VPS13B: variants seen among roughly 807,000 people sequenced by gnomAD.
VPS13B encodes vacuolar protein sorting 13 homolog B, also known as intermembrane lipid transfer protein VPS13B.
In VPS13B, 285 loss-of-function variants were observed where a neutral mutation model predicts 426.4. That is an observed-to-expected ratio of 0.67 (90% CI 0.61 to 0.74). The LOEUF is 0.74. Ranked by LOEUF, VPS13B falls within the 30% of genes least tolerant of loss-of-function variation. The pLI is 0.00. For missense variants in VPS13B, 4,537 were observed against 4,782.6 expected, an observed-to-expected ratio of 0.95 and a Z score of 1.51; for synonymous variants, 1,676 against 1,676.4, an observed-to-expected ratio of 1.00 and a Z score of 0.01.
intron 29 of VPS13B, among the ~76,000 whole-genome samples, chr8:99,512,006 C>T (rs1821814696): frequency 6.6e-6 from 1 of 152,172 alleles, no homozygotes; most frequent in Non-Finnish European, 1.5e-5. Context: ...CATGGTGGTG[C>T]ACACCTGTAG....
intron 12 of VPS13B, among the ~76,000 whole-genome samples, chr8:99,138,829 C>CTG (rs1293612096): frequency 2.6e-5 from 4 of 152,142 alleles, no homozygotes; most frequent in Admixed American, 6.5e-5. Flanking sequence ...TATGCATGTG[C>CTG]TGTGGATTCC....
At chr8:99,794,203 A>G (rs1459142771) in intron 43 of VPS13B, among the ~76,000 whole-genome samples, 1 of 152,212 alleles carries the variant, frequency 6.6e-6, no homozygotes, top group East Asian at 1.9e-4. Context: ...AAGTAAGCAA[A>G]TTCGATGTAA....
At chr8:99,152,189 A>G (rs1006454039) in intron 14 of VPS13B, among the ~76,000 whole-genome samples, 1 of 152,196 alleles carries the variant, frequency 6.6e-6, no homozygotes, top group Non-Finnish European at 1.5e-5. Flanking sequence ...TGCATGCTAC[A>G]AATTTCGATA....
intron 43 of VPS13B, among the ~76,000 whole-genome samples, chr8:99,793,254 C>CATATAT (rs779913773): frequency 0.04 from 4,222 of 106,848 alleles, 95 homozygotes; most frequent in African/African-American, 0.056. Flanking sequence ...TTGCCCTCTC[C>CATATAT]ATATATATAT....
intron 17 of VPS13B, among the ~76,000 whole-genome samples, chr8:99,222,638 G>A (rs1422186015): frequency 6.6e-6 from 1 of 152,160 alleles, no homozygotes; most frequent in Non-Finnish European, 1.5e-5. Flanking sequence ...CGAACAGGAT[G>A]ACAATTATTC....
intron 35 of VPS13B, among the ~76,000 whole-genome samples, chr8:99,673,348 T>C (rs1375887961): frequency 6.6e-6 from 1 of 152,096 alleles, no homozygotes; most frequent in Non-Finnish European, 1.5e-5. Context: ...CTTCATTATC[T>C]ATTCTTGGTA....
intron 36 of VPS13B, among the ~76,000 whole-genome samples, chr8:99,706,074 C>G (rs1432615267): frequency 6.6e-6 from 1 of 151,992 alleles, no homozygotes; most frequent in Non-Finnish European, 1.5e-5. Flanking sequence ...AAAAAACAAG[C>G]AGAATTCCTG....
intron 17 of VPS13B, among the ~76,000 whole-genome samples, chr8:99,212,262 C>T (rs374986867): frequency 6.6e-6 from 1 of 152,200 alleles, no homozygotes. Context: ...TTTAGCCAAT[C>T]GAAACATTCC....
chr8:99,459,886 A>C (rs1366345914), intron 23 of VPS13B, among the ~76,000 whole-genome samples: 5 of 152,098 alleles, frequency 3.3e-5, no homozygotes, highest in Non-Finnish European at 7.4e-5. Context: ...TTCTTGTCTT[A>C]AATCAGTTTT....
chr8:99,112,106 T>G (rs1847399961), intron 6 of VPS13B, among the ~76,000 whole-genome samples: 1 of 152,234 alleles, frequency 6.6e-6, no homozygotes. Flanking sequence ...TTTCAATGTA[T>G]GTGATTAGTA....
chr8:99,325,400 A>G (rs1810195534), intron 19 of VPS13B, among the ~76,000 whole-genome samples: 1 of 152,216 alleles, frequency 6.6e-6, no homozygotes, highest in Non-Finnish European at 1.5e-5. Flanking sequence ...TGTCCAGACT[A>G]TCAGATAAAA....
intron 33 of VPS13B, among the ~76,000 whole-genome samples, chr8:99,601,301 C>T (rs754478181): frequency 7.8e-4 from 118 of 152,240 alleles, no homozygotes; most frequent in Non-Finnish European, 8.7e-4. Context: ...TTTCCACCTT[C>T]GTTCATGTCC....
chr8:99,125,541 T>G (rs1283076237), intron 8 of VPS13B, among the ~76,000 whole-genome samples: 2 of 152,166 alleles, frequency 1.3e-5, no homozygotes, highest in African/African-American at 4.8e-5. Flanking sequence ...AAGTTGACAG[T>G]CAGTATTAAC....
intron 33 of VPS13B, among the ~76,000 whole-genome samples, chr8:99,631,135 T>C (rs1040770000): frequency 6.6e-6 from 1 of 152,118 alleles, no homozygotes; most frequent in Admixed American, 6.6e-5. Context: ...AGGCCAGGCC[T>C]CTCTCTCCTT....
intron 27 of VPS13B, among the ~76,000 whole-genome samples, chr8:99,506,171 G>T (rs772390407): frequency 6.6e-6 from 1 of 152,132 alleles, no homozygotes; most frequent in Non-Finnish European, 1.5e-5. Flanking sequence ...TATAATCACT[G>T]AGATGGAGCA....
chr8:99,721,014 T>C lies in VPS13B; in HGVS notation c.7017T>C (p.Asp2339=). The part of the protein sequence containing the change: ...PVPFNTTEDP[D]ISTADLGDVL... ...CTTTTAACACCACAGAGGATCCAGA[T>C]ATTAGCACAGCAGACCTTGGTGATG... Residue 2339 remains aspartate (D), a synonymous_variant, in exon 39 of 62, where the codon GAT becomes GAC. Coordinates refer to ENST00000357162, the MANE Select transcript of VPS13B (RefSeq NM_152564.5). 6.2e-7 allele frequency: 1 copy of C among 1,614,032 alleles called. No homozygotes were observed. Among genetic ancestry groups the C allele is most frequent in the East Asian group, 2.2e-5 (1 of 44,854 alleles).
chr8:99,153,262 CTG>C (rs1811172495), intron 14 of VPS13B, among the ~76,000 whole-genome samples: 1 of 152,186 alleles, frequency 6.6e-6, no homozygotes, highest in Admixed American at 6.5e-5. Context: ...CCTTGACAAT[CTG>C]TCTTTTAATT....
At chr8:99,313,502 T>G (rs1821129539) in intron 19 of VPS13B, among the ~76,000 whole-genome samples, 2 of 152,092 alleles carry the variant, frequency 1.3e-5, no homozygotes, top group South Asian at 4.1e-4. Context: ...GAACCACAAA[T>G]GTTGCTGCCT....
intron 17 of VPS13B, among the ~76,000 whole-genome samples, chr8:99,250,861 T>A (rs1817469909): frequency 6.6e-6 from 1 of 151,584 alleles, no homozygotes; most frequent in South Asian, 2.1e-4. Context: ...ATCAGCACTT[T>A]TAGTTTTTTG....
Sources: allele counts gnomAD v4.1 joint callset (sites outside exome capture counted in the v4.1 genomes callset), GRCh38; gene constraint gnomAD v4.1.1; transcripts MANE v1.5; gene names NCBI Gene and HGNC (gene_info 2026-07-23, HGNC 2026-07-21).